The following CCDC148 variants were observed in gnomAD, a reference collection of about 807,000 sequenced individuals.
The protein encoded by CCDC148 is coiled-coil domain-containing protein 148.
CCDC148 carries 89 observed loss-of-function variants against 85.7 expected under a neutral mutation model. That is an observed-to-expected ratio of 1.04 (90% CI 0.87 to 1.24). The LOEUF is 1.24. CCDC148 is among the 50% of genes most tolerant of loss of function. The pLI, the probability that CCDC148 is intolerant of heterozygous loss-of-function variation, is 0.00. For synonymous variants in CCDC148, 230 were observed against 213.9 expected (o/e 1.08, Z -0.66); for missense variants, 692 against 671.7 (o/e 1.03, Z -0.33).
chr2:158,185,083 T>C lies in CCDC148; in HGVS notation c.1371-6087A>G, dbSNP rs140819256. 9.6e-4 allele frequency among the ~76,000 whole-genome samples: 146 copies of C among 152,342 alleles called. 1 individual carries two copies. The highest frequency in any genetic ancestry group is 1.6e-3 in the Non-Finnish European group (107 of 68,028). On this transcript the variant is annotated intron_variant, in intron 11 of 13. Transcript: ENST00000283233. ...GCCTGTGCTAAACATTGCAGTTATA[T>C]GCCTCAGGACTGTTCCAAACTAGAA... is the stretch of plus-strand genomic sequence containing the variant.
In CCDC148 at chr2:158,438,045, T is replaced by C. The variant is rs373315752; in HGVS notation, c.25+18370A>G. Among the ~76,000 whole-genome samples, 45 of 152,206 alleles carry C rather than the reference T, an allele frequency of 3.0e-4. No individual in the cohort carries two copies. The East Asian group carries it at 6.6e-3, about 22-fold the overall frequency. ...AATCAATATCGTGAAAATGGCCATA[T>C]TGCCCAAGGTAATTTATAGATTCAA... On this transcript the variant is annotated intron_variant, in intron 1 of 13. Transcript: ENST00000283233.
chr2:158,248,175 T>C (rs1301530728), intron 10 of CCDC148, among the ~76,000 whole-genome samples: 1 of 151,990 alleles, frequency 6.6e-6, no homozygotes, highest in Non-Finnish European at 1.5e-5. Flanking sequence ...TGTCAAAATA[T>C]CTTAAAATCT....
At chr2:158,313,027 A>G (rs187134404) in intron 8 of CCDC148, among the ~76,000 whole-genome samples, 14 of 152,380 alleles carry the variant, frequency 9.2e-5, no homozygotes, top group Admixed American at 7.8e-4. Flanking sequence ...TGCAGAGTAT[A>G]TAAGATGCTA....
intron 3 of CCDC148, among the ~76,000 whole-genome samples, chr2:158,342,762 T>C (rs559553238): frequency 6.6e-6 from 1 of 152,224 alleles, no homozygotes; most frequent in East Asian, 1.9e-4. Flanking sequence ...AGTAGATTAA[T>C]ACATCATCTG....
At chr2:158,251,780 A>C (rs1025684569) in intron 9 of CCDC148, among the ~76,000 whole-genome samples, 1 of 151,860 alleles carries the variant, frequency 6.6e-6, no homozygotes, top group Non-Finnish European at 1.5e-5. Context: ...ACAAAGCCAC[A>C]TTTGCAGTAT....
intron 9 of CCDC148, among the ~76,000 whole-genome samples, chr2:158,269,674 T>C (rs1407334073): frequency 1.3e-5 from 2 of 152,140 alleles, no homozygotes; most frequent in Non-Finnish European, 2.9e-5. Flanking sequence ...GGATACCTAA[T>C]TGGAATGAAC....
chr2:158,277,356 T>C (rs140407435), intron 9 of CCDC148, among the ~76,000 whole-genome samples: 83 of 152,352 alleles, frequency 5.4e-4, no homozygotes, highest in Middle Eastern at 6.8e-3. Context: ...CCATTCCTGA[T>C]ACTTACCATT....
chr2:158,280,309 C>T (rs1487867215), intron 9 of CCDC148, among the ~76,000 whole-genome samples: 3 of 152,128 alleles, frequency 2.0e-5, no homozygotes, highest in Admixed American at 6.6e-5. Context: ...ACTAAATGCT[C>T]CAATTAAAAG....
intron 1 of CCDC148, among the ~76,000 whole-genome samples, chr2:158,405,138 C>A (rs1685943170): frequency 6.6e-6 from 1 of 151,920 alleles, no homozygotes; most frequent in African/African-American, 2.4e-5. Context: ...TAAGAAGCTA[C>A]AAAAAATGGT....
At chr2:158,328,095 A>G (rs901012785) in intron 7 of CCDC148, among the ~76,000 whole-genome samples, 3 of 151,900 alleles carry the variant, frequency 2.0e-5, no homozygotes, top group African/African-American at 7.3e-5. Context: ...TACATGTGCA[A>G]TGTTGGTGTA....
At chr2:158,215,723 T>A (rs978983028) in intron 11 of CCDC148, among the ~76,000 whole-genome samples, 1 of 152,168 alleles carries the variant, frequency 6.6e-6, no homozygotes, top group African/African-American at 2.4e-5. Flanking sequence ...GATTTGTACA[T>A]ACATAAATGC....
Position 158,281,233 on chromosome 2 carries a change from C to T in CCDC148, c.1110+28200G>A, listed in dbSNP as rs554970132. The stretch of plus-strand genomic sequence containing the variant: ...ATTAAAAGAACTAGAAAAGCAAGAG[C>T]AAACACATTCAAAAGCTAGCAGAAG... On this transcript the variant is annotated intron_variant, in intron 9 of 13. Coordinates refer to ENST00000283233, the MANE Select transcript of CCDC148 (RefSeq NM_138803.4). 4.6e-3 allele frequency among the ~76,000 whole-genome samples: 696 copies of T among 151,990 alleles called. 3 individuals are homozygous for T. The highest frequency in any genetic ancestry group is 9.7e-3 in the African/African-American group (404 of 41,474).
At chr2:158,344,567 G>C (rs1164778187) in intron 3 of CCDC148, among the ~76,000 whole-genome samples, 3 of 151,322 alleles carry the variant, frequency 2.0e-5, no homozygotes, top group Non-Finnish European at 4.4e-5. Context: ...AAATGAAGGA[G>C]AAACATATCT....
chr2:158,369,606 T>G (rs1364454293), intron 1 of CCDC148, among the ~76,000 whole-genome samples: 1 of 152,190 alleles, frequency 6.6e-6, no homozygotes, highest in Admixed American at 6.6e-5. Context: ...TAGGATCATG[T>G]CATCTGCACA....
chr2:158,396,592 C>T (rs535877632), intron 1 of CCDC148, among the ~76,000 whole-genome samples: 4 of 152,150 alleles, frequency 2.6e-5, no homozygotes, highest in South Asian at 4.2e-4. Context: ...CTTTGAATAC[C>T]GATTCTCCAT....
chr2:158,395,927 A>T (rs1037059532), intron 1 of CCDC148, among the ~76,000 whole-genome samples: 2 of 152,118 alleles, frequency 1.3e-5, no homozygotes, highest in Admixed American at 6.6e-5. Flanking sequence ...TACTTATGTG[A>T]TTTCTTTCAG....
At chr2:158,386,813 A>C (rs1685105242) in intron 1 of CCDC148, among the ~76,000 whole-genome samples, 4 of 150,250 alleles carry the variant, frequency 2.7e-5, no homozygotes, top group South Asian at 2.1e-4. Flanking sequence ...CACATATTCT[A>C]CCTCCCCTCA....
At chr2:158,403,454 A>C (rs1381368320) in intron 1 of CCDC148, among the ~76,000 whole-genome samples, 1 of 152,094 alleles carries the variant, frequency 6.6e-6, no homozygotes, top group Non-Finnish European at 1.5e-5. Flanking sequence ...AAGTACCTGC[A>C]ACACATATAA....
chr2:158,251,744 A>G (rs1688803018), intron 9 of CCDC148, among the ~76,000 whole-genome samples: 1 of 151,882 alleles, frequency 6.6e-6, no homozygotes, highest in African/African-American at 2.4e-5. Context: ...TATCCACGAC[A>G]TATTGTTAGA....
Sources: allele counts gnomAD v4.1 joint callset (sites outside exome capture counted in the v4.1 genomes callset), GRCh38; gene constraint gnomAD v4.1.1; transcripts MANE v1.5; gene names NCBI Gene and HGNC (gene_info 2026-07-23, HGNC 2026-07-21).